NOD1: variants seen among roughly 807,000 people sequenced by gnomAD.
The protein encoded by NOD1 is nucleotide-binding oligomerization domain-containing protein 1.
In NOD1, 70 loss-of-function variants were observed where a neutral mutation model predicts 81.2. The observed-to-expected ratio is 0.86, with a 90% CI of 0.71 to 1.05. The LOEUF (loss-of-function observed/expected upper bound fraction) is 1.05. NOD1 is among the 50% of genes least tolerant of loss of function. NOD1 has a pLI of 0.00. For missense variants in NOD1, 1,233 were observed against 1,228.0 expected, an observed-to-expected ratio of 1.00 and a Z score of -0.06; for synonymous variants, 508 against 526.9, an observed-to-expected ratio of 0.96 and a Z score of 0.49.
chr7:30,453,357 G>A (rs1010725505), intron 5 of NOD1, among the ~76,000 whole-genome samples: 2 of 152,122 alleles, frequency 1.3e-5, no homozygotes, highest in Non-Finnish European at 2.9e-5. Context: ...TCACTGAACT[G>A]CAGCTAAACA....
intron 1 of NOD1, chr7:30,460,556 C>A (rs944364238): frequency 1.0e-6 from 1 of 985,366 alleles, no homozygotes; most frequent in Non-Finnish European, 1.2e-6. Flanking sequence ...AAGGAAAAAA[C>A]CAAGCTAATG....
intron 1 of NOD1, among the ~76,000 whole-genome samples, chr7:30,470,461 A>C (rs1024676695): frequency 1.3e-5 from 2 of 152,226 alleles, no homozygotes; most frequent in African/African-American, 4.8e-5. Context: ...GGCCGGGTGC[A>C]CTGCGTATAG....
In NOD1 at chr7:30,446,639, AG is replaced by A; in HGVS notation, c.2369+327del. ...CCCCTGCGCAGGGCACACCTACAGC[AG>A]GGCAAGGGCCCAAGCTCTTCCTTGC... On this transcript the variant is annotated intron_variant, in intron 8 of 13. Coordinates refer to ENST00000222823, the MANE Select transcript of NOD1 (RefSeq NM_006092.4). The A allele has an allele frequency of 7.6e-6, 3 of 397,160 alleles. 1 individual carries two copies. In the South Asian group the frequency reaches 9.9e-5, roughly 13 times the overall value. 24.6% of individuals were successfully genotyped at this position (397,160 alleles called of 1,614,324 possible). A position where few individuals can be genotyped will look rare whatever the true frequency, so the allele number is the denominator to read the frequency against.
intron 8 of NOD1, 140 bp from the exon 9 acceptor site, chr7:30,446,364 C>T: frequency 1.5e-6 from 1 of 687,532 alleles, no homozygotes; most frequent in Non-Finnish European, 2.6e-6. Context: ...AGAGCCATGG[C>T]CTGGGCCTCC....
chr7:30,448,969 C>T (rs1416341028), intron 6 of NOD1, among the ~76,000 whole-genome samples: 5 of 152,222 alleles, frequency 3.3e-5, no homozygotes, highest in African/African-American at 1.2e-4. Context: ...AAGGAGACTG[C>T]TCATGTCATT....
chr7:30,431,228 T>A (rs1006422948), intron 12 of NOD1, among the ~76,000 whole-genome samples: 7 of 131,898 alleles, frequency 5.3e-5, no homozygotes, highest in African/African-American at 2.0e-4. Flanking sequence ...GGGAATGGGA[T>A]CAAATAATTC....
At chr7:30,469,435 G>C (rs536039826) in intron 1 of NOD1, among the ~76,000 whole-genome samples, 7 of 151,872 alleles carry the variant, frequency 4.6e-5, no homozygotes, top group Non-Finnish European at 8.8e-5. Context: ...AGCTCCCTCT[G>C]TCTCTCATAC....
chr7:30,455,251 A>T lies in NOD1; in HGVS notation c.262T>A (p.Tyr88Asn). The change falls in exon 5 of 14, where the codon TAC becomes AAC. Residue 88 changes from tyrosine to asparagine, a missense_variant. Physicochemically the swap from Tyr to Asn is moderately radical, Grantham distance 143 (BLOSUM62 -2). Coordinates refer to ENST00000222823, the MANE Select transcript of NOD1 (RefSeq NM_006092.4). Reference sequence around the variant, plus strand: ...GCATCTGCGAGTTGCTGGAGCAAGTAGAGGAAGAACTCGGACACCTCCTCG... The same window carrying T: ...GCATCTGCGAGTTGCTGGAGCAAGTTGAGGAAGAACTCGGACACCTCCTCG... ...KGEEVSEFFL[Y>N]LLQQLADAYV... 1 of 1,614,204 alleles carries T rather than the reference A, an allele frequency of 6.2e-7. No individual in the cohort carries two copies. Among genetic ancestry groups the T allele is most frequent in the South Asian group, 1.1e-5 (1 of 91,092 alleles).
chr7:30,468,349 C>G lies in NOD1; in HGVS notation c.-351-8308G>C, dbSNP rs143815211. On this transcript the variant is annotated intron_variant, in intron 1 of 13. Coordinates refer to ENST00000222823, the MANE Select transcript of NOD1 (RefSeq NM_006092.4). ...TGTTTTAATTTTGATTTCTCAGCAG[C>G]AAATGGATGATGTCAAAGGGGCCTC... Among the ~76,000 whole-genome samples, 22 of 152,324 alleles carry G rather than the reference C, an allele frequency of 1.4e-4. No homozygotes were observed. In the East Asian group the frequency reaches 3.9e-3, roughly 27 times the overall value.
At position 30,451,636 on chromosome 7, in the gene NOD1, C is replaced by T. The variant is rs1006947249; in HGVS notation, c.1781G>A (p.Gly594Glu). The T allele has an allele frequency of 1.2e-6, 2 of 1,613,858 alleles. No individual in the cohort carries two copies. Among genetic ancestry groups the T allele is most frequent in the Non-Finnish European group, 1.7e-6 (2 of 1,180,048 alleles). The part of the protein sequence containing the change: ...HFQFTNLFLC[G>E]LLSKAKQKLL... ...TTTCTGTTTGGCTTTGGACAACAGC[C>T]CGCACAGGAAGAGGTTGGTGAACTG... is the stretch of plus-strand genomic sequence containing the variant. Residue 594 changes from glycine to glutamate, a missense_variant, in exon 6 of 14, where the codon GGG (glycine) becomes GAG (glutamate). Physicochemically the swap from Gly to Glu is moderately conservative, Grantham distance 98. Coordinates refer to ENST00000222823, the MANE Select transcript of NOD1 (RefSeq NM_006092.4). The surrounding 1 kb of genome is among the most constrained non-coding windows in gnomAD (Gnocchi z 4.2).
In NOD1 at chr7:30,455,273, C is replaced by T; in HGVS notation, c.240G>A (p.Glu80=). Residue 80 remains glutamate, a synonymous_variant, in exon 5 of 14, where the codon GAG becomes GAA. Transcript: ENST00000222823. ...AGTAGAGGAAGAACTCGGACACCTC[C>T]TCGCCCTTGCTCTGTACCAGGTCCA... ...KILDLVQSKG[E]EVSEFFLYLL... is the part of the protein sequence containing the mutation. The T allele has an allele frequency of 6.2e-7, 1 of 1,614,158 alleles. No homozygotes were observed. Among genetic ancestry groups the T allele is most frequent in the Non-Finnish European group, 8.5e-7 (1 of 1,180,014 alleles).
chr7:30,435,850 C>A, intron 11 of NOD1, 148 bp downstream of exon 11: 2 of 631,748 alleles, frequency 3.2e-6, no homozygotes, highest in South Asian at 3.8e-5. Flanking sequence ...TCTCAGGACT[C>A]GGAAGGCCAA....
At chr7:30,458,095 T>A (rs1043944435) in intron 3 of NOD1, among the ~76,000 whole-genome samples, 6 of 152,180 alleles carry the variant, frequency 3.9e-5, no homozygotes, top group Non-Finnish European at 7.3e-5. Context: ...GCTGAGTTTC[T>A]TGTCTGGGTA....
intron 1 of NOD1, among the ~76,000 whole-genome samples, chr7:30,475,657 C>T (rs773709979): frequency 1.2e-4 from 19 of 152,154 alleles, no homozygotes; most frequent in Non-Finnish European, 2.1e-4. Flanking sequence ...GGGAGGATGG[C>T]GAAGAGAAGG....
At chr7:30,431,995 C>A (rs946675249) in intron 12 of NOD1, among the ~76,000 whole-genome samples, 2 of 152,138 alleles carry the variant, frequency 1.3e-5, no homozygotes, top group African/African-American at 4.8e-5. Context: ...ATCCCAACTA[C>A]TCAGGAGGCT....
At chr7:30,460,702 G>A (rs530755639) in intron 1 of NOD1, 1 of 985,136 alleles carries the variant, frequency 1.0e-6, no homozygotes, top group Admixed American at 6.1e-5. Context: ...TGGGGGTAGA[G>A]CCTGTGGGCA....
In NOD1 at chr7:30,452,074, C is replaced by CT. The variant is rs1164491841; in HGVS notation, c.1342dup (p.Ser448LysfsTer62). On this transcript the variant is annotated frameshift_variant, in exon 6 of 14. Transcript: ENST00000222823. LOFTEE classifies it high-confidence loss of function. ...GCCGGCGTGGAGGGTCTCCACTGGG[C>CT]TGCGTGTGTTCCGCTGCACCAGGCT... The CT allele has an allele frequency of 6.2e-7, 1 of 1,613,570 alleles. No individual in the cohort carries two copies. The highest frequency in any genetic ancestry group is 8.5e-7 in the Non-Finnish European group (1 of 1,180,018).
rs1215571432 is a variant in NOD1, at chr7:30,468,715, A to AC, written c.-351-8675dup. 6 of 626,110 alleles carry AC rather than the reference A, an allele frequency of 9.6e-6. No homozygotes were observed. In the African/African-American group the frequency reaches 1.2e-4, roughly 12 times the overall value. The allele number at this position is 626,110 out of a possible 1,614,324, so 38.8% of individuals were successfully genotyped here. A position where few individuals can be genotyped will look rare whatever the true frequency, so the allele number is the denominator to read the frequency against. Reference sequence around the variant, plus strand: ...ATGTCAATTAGAGTGGGCTCCACCAACCCCCAACATAACTGGCACACATAT... The same window carrying AC: ...ATGTCAATTAGAGTGGGCTCCACCAACCCCCCAACATAACTGGCACACATAT... On this transcript the variant is annotated intron_variant, in intron 1 of 13. Transcript: ENST00000222823.
chr7:30,458,993 T>A (rs1378477474), intron 3 of NOD1, among the ~76,000 whole-genome samples, 159 bp downstream of exon 3: 2 of 152,146 alleles, frequency 1.3e-5, no homozygotes, highest in African/African-American at 2.4e-5. Context: ...CACCTCGGCC[T>A]CCCAAAGTGC....
Sources: gnomAD v4.1 joint callset for allele counts (sites outside exome capture counted in the v4.1 genomes callset) on GRCh38, gnomAD v4.1.1 for gene constraint, Gnocchi (gnomAD v3.1) non-coding constraint, MANE v1.5 for transcripts, NCBI Gene and HGNC (gene_info 2026-07-23, HGNC 2026-07-21) for gene names.